UNC13C: variants seen among roughly 807,000 people sequenced by gnomAD.
UNC13C encodes the protein protein unc-13 homolog C.
A neutral mutation model predicts 245.4 loss-of-function variants in UNC13C; 174 were observed. The observed-to-expected ratio is 0.71, with a 90% CI of 0.63 to 0.80. The LOEUF (loss-of-function observed/expected upper bound fraction) is 0.80, where lower values mean the gene tolerates loss of function less well. UNC13C is among the 30% of genes least tolerant of loss of function. The pLI is 0.00. For synonymous variants in UNC13C, 992 were observed against 895.1 expected, an observed-to-expected ratio of 1.11 and a Z score of -1.93; for missense variants, 2,829 against 2,602.9, an observed-to-expected ratio of 1.09 and a Z score of -1.89.
chr15:54,095,481 C>T (rs749999489), intron 2 of UNC13C, among the ~76,000 whole-genome samples: 14 of 152,170 alleles, frequency 9.2e-5, no homozygotes, highest in Non-Finnish European at 1.5e-4. Context: ...ACCTTCTCTA[C>T]TTTTGTGGTC....
At chr15:54,345,986 T>C (rs531576257) in intron 17 of UNC13C, among the ~76,000 whole-genome samples, 2 of 152,288 alleles carry the variant, frequency 1.3e-5, no homozygotes, top group African/African-American at 4.8e-5. Context: ...CTCAGCTAAC[T>C]TTTTCTTCAG....
At chr15:53,964,013 TCA>T in the UNC13C span, among the ~76,000 whole-genome samples, 17 of 152,110 alleles carry the variant, frequency 1.1e-4, no homozygotes, top group Non-Finnish European at 1.5e-5. Flanking sequence ...ATTTGGCAAA[TCA>T]CAAACAGGCC....
chr15:54,003,196 G>GA (rs1235544893), intron 1 of UNC13C, among the ~76,000 whole-genome samples: 5 of 151,904 alleles, frequency 3.3e-5, no homozygotes, highest in Non-Finnish European at 7.4e-5. Context: ...TATTTTGTTG[G>GA]AAAAAAAGTG....
intron 24 of UNC13C, among the ~76,000 whole-genome samples, chr15:54,520,911 T>C (rs2141131294): frequency 6.6e-6 from 1 of 152,254 alleles, no homozygotes; most frequent in East Asian, 1.9e-4. Context: ...AGGAAGGATA[T>C]TGGCTAGATG....
the UNC13C span, among the ~76,000 whole-genome samples, chr15:53,930,540 G>C: frequency 2.0e-5 from 3 of 152,006 alleles, no homozygotes; most frequent in Admixed American, 1.3e-4. Context: ...CACAAACACT[G>C]GTACTTATTA....
chr15:54,485,081 A>G (rs532910944), intron 19 of UNC13C, among the ~76,000 whole-genome samples: 2 of 152,300 alleles, frequency 1.3e-5, no homozygotes, highest in Admixed American at 6.5e-5. Flanking sequence ...AATACAGAAA[A>G]AAAAATGAGT....
intron 17 of UNC13C, among the ~76,000 whole-genome samples, chr15:54,338,824 T>C (rs1257873282): frequency 2.0e-5 from 3 of 152,188 alleles, no homozygotes; most frequent in African/African-American, 7.2e-5. Context: ...CTCCTGTTTC[T>C]ATGTCCTTCC....
chr15:53,948,618 A>G, the UNC13C span: 1 of 152,120 alleles, frequency 6.6e-6, no homozygotes, highest in Non-Finnish European at 1.5e-5. Flanking sequence ...TCTTAAAAAA[A>G]AAAAAAAAAG....
intron 10 of UNC13C, among the ~76,000 whole-genome samples, chr15:54,289,136 A>G (rs1332709125): frequency 6.6e-6 from 1 of 151,958 alleles, no homozygotes; most frequent in Non-Finnish European, 1.5e-5. Flanking sequence ...CCAAATTATG[A>G]TATTCTCAGT....
intron 30 of UNC13C, among the ~76,000 whole-genome samples, chr15:54,608,402 C>T (rs1303016571): frequency 2.0e-5 from 3 of 152,230 alleles, no homozygotes; most frequent in East Asian, 1.9e-4. Context: ...GCCCAGAGCA[C>T]AGGTATGTGG....
intron 2 of UNC13C, among the ~76,000 whole-genome samples, chr15:54,065,600 A>G (rs1898040249): frequency 6.6e-6 from 1 of 152,214 alleles, no homozygotes; most frequent in Admixed American, 6.5e-5. Flanking sequence ...GCTGTCTTCC[A>G]AGTAAGAATG....
rs528908002 is a variant in UNC13C at position 54,467,260 on chromosome 15, A to G, written c.4934-27348A>G. ...TCAGTAAATGATGGAGTTTTCCAAA[A>G]TTGTAGTTATTTGATGAAACTAATT... On this transcript the variant is annotated intron_variant, in intron 19 of 32. Transcript: ENST00000260323. Among the ~76,000 whole-genome samples the G allele has an allele frequency of 2.0e-5, 3 of 151,946 alleles. No homozygotes were observed. In the East Asian group the frequency reaches 5.8e-4, roughly 29 times the overall value.
In UNC13C at chr15:54,352,960, C is replaced by T. The variant is rs567341484; in HGVS notation, c.4713+14471C>T. Among the ~76,000 whole-genome samples the T allele has an allele frequency of 1.3e-4, 20 of 152,172 alleles. No homozygotes were observed. The South Asian group carries it at 3.1e-3, about 24-fold the overall frequency. On this transcript the variant is annotated intron_variant, in intron 17 of 32. Transcript: ENST00000260323. Reference sequence around the variant, plus strand: ...CTATTGAAAAATTCTATCTTTGAGACGTTCTTCTTTGGCAATGGTGAAAAT... The same window carrying T: ...CTATTGAAAAATTCTATCTTTGAGATGTTCTTCTTTGGCAATGGTGAAAAT...
chr15:54,303,530 G>A (rs2037642846), intron 13 of UNC13C, among the ~76,000 whole-genome samples: 1 of 151,988 alleles, frequency 6.6e-6, no homozygotes, highest in Non-Finnish European at 1.5e-5. Flanking sequence ...GTATCACATA[G>A]ATCGTTGGAA....
chr15:54,006,601 T>C (rs963491514), intron 1 of UNC13C, among the ~76,000 whole-genome samples: 2 of 152,204 alleles, frequency 1.3e-5, no homozygotes, highest in African/African-American at 4.8e-5. Context: ...ATACACATCC[T>C]TTTACTCCTT....
intron 4 of UNC13C, among the ~76,000 whole-genome samples, chr15:54,145,210 T>C (rs2032202915): frequency 6.6e-6 from 1 of 152,070 alleles, no homozygotes; most frequent in Admixed American, 6.5e-5. Flanking sequence ...CATGTTTTAG[T>C]TTTTTTATCT....
At chr15:54,245,863 GCTTACATA>G (rs1350460358) in intron 7 of UNC13C, among the ~76,000 whole-genome samples, 1 of 152,052 alleles carries the variant, frequency 6.6e-6, no homozygotes, top group African/African-American at 2.4e-5. Context: ...GAAAGGTGTG[GCTTACATA>G]ATATCACAAG....
the UNC13C span, among the ~76,000 whole-genome samples, chr15:53,875,106 A>T: frequency 1.3e-5 from 2 of 151,888 alleles, no homozygotes; most frequent in African/African-American, 4.8e-5. Context: ...TTAAAAAAAA[A>T]ATATCTTATA....
At chr15:54,268,639 T>G (rs56206354) in intron 10 of UNC13C, among the ~76,000 whole-genome samples, 3,818 of 152,178 alleles carry the variant, frequency 0.025, 155 homozygotes, top group African/African-American at 0.088. Context: ...ATGTGTTAAA[T>G]GGGAATGAAA....
Sources: gnomAD v4.1 joint callset for allele counts (sites outside exome capture counted in the v4.1 genomes callset) on GRCh38, gnomAD v4.1.1 for gene constraint, MANE v1.5 for transcripts, NCBI Gene and HGNC (gene_info 2026-07-23, HGNC 2026-07-21) for gene names.